Variants in NEK6 observed in about 807,000 individuals in gnomAD.
The protein encoded by NEK6 is NIMA related kinase 6, also known as serine/threonine-protein kinase Nek6.
In NEK6, 27 loss-of-function variants were observed where a neutral mutation model predicts 43.5. That is an observed-to-expected ratio of 0.62 (90% CI 0.46 to 0.86). NEK6 has a LOEUF of 0.86. Among genes scored for constraint, NEK6 ranks in the 40% least tolerant of loss-of-function variants. The pLI, the probability that NEK6 is intolerant of heterozygous loss-of-function variation, is 0.00. For missense variants in NEK6, 318 were observed against 414.4 expected, an observed-to-expected ratio of 0.77 and a Z score of 2.02; for synonymous variants, 167 against 164.1, an observed-to-expected ratio of 1.02 and a Z score of -0.14.
In NEK6 at chr9:124,312,520, C is replaced by T. The variant is rs1256928848; in HGVS notation, c.102C>T (p.Asn34=). 6.2e-7 allele frequency: 1 copy of T among 1,613,864 alleles called. No individual in the cohort carries two copies. The highest frequency in any genetic ancestry group is 8.5e-7 in the Non-Finnish European group (1 of 1,179,868). ...GTCCCCCGTTCCAGAGGCATCCCAA[C>T]ACGCTGTCTTTTCGCTGCTCGCTGG... ...VHPPDPQRHP[N]TLSFRCSLAD... is the part of the protein sequence containing the mutation. Residue 34 remains asparagine, a synonymous_variant, in exon 3 of 10, where the codon AAC becomes AAT. Transcript: ENST00000320246.
At chr9:124,347,530 G>A (rs563220298) in intron 8 of NEK6, among the ~76,000 whole-genome samples, 179 bp from the exon 9 acceptor site, 4 of 152,294 alleles carry the variant, frequency 2.6e-5, no homozygotes, top group East Asian at 3.9e-4. Flanking sequence ...GTAGTGTTGC[G>A]CCTGCTCCTC....
chr9:124,259,310 G>T (rs564352811), intron 1 of NEK6: 1 of 152,238 alleles, frequency 6.6e-6, no homozygotes, highest in East Asian at 1.9e-4. Flanking sequence ...CCTTAGTTTG[G>T]TGTACAGTAC....
intron 7 of NEK6, among the ~76,000 whole-genome samples, chr9:124,334,937 CAG>C (rs1829211360): frequency 6.6e-6 from 1 of 152,170 alleles, no homozygotes; most frequent in South Asian, 2.1e-4. Flanking sequence ...AGAGGAGACT[CAG>C]GGTGGGAAGA....
chr9:124,350,428 G>A (rs1412219409), intron 9 of NEK6, among the ~76,000 whole-genome samples: 1 of 152,130 alleles, frequency 6.6e-6, no homozygotes, highest in African/African-American at 2.4e-5. Context: ...GCATGTTAAT[G>A]CGTTTATTAT....
chr9:124,272,983 A>T (rs1261019725), intron 1 of NEK6, among the ~76,000 whole-genome samples: 3 of 151,994 alleles, frequency 2.0e-5, no homozygotes, highest in African/African-American at 7.3e-5. Context: ...AAAGCAGTAG[A>T]CTCTCAGCGG....
At chr9:124,289,177 CCCCCCCCCGCCACACACACACACACA>C (rs1207475826) in intron 1 of NEK6, among the ~76,000 whole-genome samples, 7 of 39,932 alleles carry the variant, frequency 1.8e-4, no homozygotes, top group South Asian at 1.7e-3. Context: ...ACCCCCCCCG[CCCCCCCCCGCCACACACACACACACA>C]CACACACACA....
At chr9:124,297,534 C>T (rs968896563) in intron 1 of NEK6, among the ~76,000 whole-genome samples, 5 of 152,216 alleles carry the variant, frequency 3.3e-5, no homozygotes, top group Admixed American at 2.6e-4. Flanking sequence ...ACACAGCACA[C>T]GGCAGCCTAA....
intron 1 of NEK6, among the ~76,000 whole-genome samples, chr9:124,282,618 G>A (rs1486629762): frequency 6.6e-6 from 1 of 152,184 alleles, no homozygotes; most frequent in African/African-American, 2.4e-5. Context: ...CCAGGCTGGG[G>A]CCACAGGGGG....
chr9:124,308,779 T>A (rs1367901960), intron 2 of NEK6, among the ~76,000 whole-genome samples: 1 of 152,176 alleles, frequency 6.6e-6, no homozygotes, highest in East Asian at 1.9e-4. Flanking sequence ...CACGCCCGTC[T>A]TGCAGTTTAG....
chr9:124,313,626 G>A (rs538253143), intron 3 of NEK6, among the ~76,000 whole-genome samples: 4 of 152,230 alleles, frequency 2.6e-5, no homozygotes, highest in African/African-American at 9.6e-5. Flanking sequence ...CCTCAGCCTC[G>A]CTGGGATTAC....
intron 1 of NEK6, chr9:124,292,851 G>A: frequency 2.1e-6 from 3 of 1,446,462 alleles, no homozygotes; most frequent in Non-Finnish European, 1.8e-6. Flanking sequence ...TGTTCAAGGA[G>A]AAGAAGACAC....
chr9:124,318,920 C>T (rs1006800540), intron 4 of NEK6, among the ~76,000 whole-genome samples: 2 of 151,906 alleles, frequency 1.3e-5, no homozygotes, highest in African/African-American at 2.4e-5. Context: ...ATCCACCCAC[C>T]TTGGCCTCCC....
intron 1 of NEK6, among the ~76,000 whole-genome samples, chr9:124,268,140 A>G (rs1831296094): frequency 6.6e-6 from 1 of 152,190 alleles, no homozygotes; most frequent in African/African-American, 2.4e-5. Context: ...AGCAATTGAG[A>G]TATTTAATGA....
At chr9:124,314,800 C>T (rs532587603) in intron 4 of NEK6, among the ~76,000 whole-genome samples, 24 of 152,142 alleles carry the variant, frequency 1.6e-4, no homozygotes, top group Non-Finnish European at 1.8e-4. Flanking sequence ...CCTGGGATTA[C>T]AGGCACCCAC....
At chr9:124,329,345 G>A (rs573901783) in intron 7 of NEK6, among the ~76,000 whole-genome samples, 1 of 152,346 alleles carries the variant, frequency 6.6e-6, no homozygotes, top group South Asian at 2.1e-4. Context: ...GCCTTTCTCT[G>A]TCCCACTGCA....
intron 1 of NEK6, among the ~76,000 whole-genome samples, chr9:124,271,876 G>A (rs555139446): frequency 6.6e-6 from 1 of 152,388 alleles, no homozygotes; most frequent in African/African-American, 2.4e-5. Flanking sequence ...TGCAAGGCCT[G>A]GCCAGCTCTG....
chr9:124,351,226 C>T lies in NEK6; in HGVS notation c.*279C>T, dbSNP rs1830258892. 1 of 343,478 alleles carries T rather than the reference C, an allele frequency of 2.9e-6. No individual in the cohort carries two copies. Among genetic ancestry groups the T allele is most frequent in the Admixed American group, 4.5e-5 (1 of 22,160 alleles). 21.3% of individuals were successfully genotyped at this position (343,478 alleles called of 1,614,324 possible). A position where few individuals can be genotyped will look rare whatever the true frequency, so the allele number is the denominator to read the frequency against. Reference sequence around the variant, plus strand: ...TAAGGGCAGGTGGTTCAGCGAGCCACGGCAGCCCCCTGTATCTGGATTGTA... The same window carrying T: ...TAAGGGCAGGTGGTTCAGCGAGCCATGGCAGCCCCCTGTATCTGGATTGTA... On this transcript the variant is annotated 3_prime_UTR_variant, in exon 10 of 10. Coordinates refer to ENST00000320246, the MANE Select transcript of NEK6 (RefSeq NM_014397.6).
At chr9:124,257,844 C>A (rs1255533342), upstream of NEK6, 1 of 1,082,850 alleles carries the variant, frequency 9.2e-7, no homozygotes, top group African/African-American at 1.7e-5. Context: ...CGCCGGGGCG[C>A]CCCCCGCCCC....
chr9:124,341,082 G>A (rs538366140), intron 8 of NEK6, among the ~76,000 whole-genome samples: 169 of 152,174 alleles, frequency 1.1e-3, no homozygotes, highest in Admixed American at 2.0e-3. Context: ...CACTCTTGTC[G>A]CCCGGGCTGG....
Sources: gnomAD v4.1 joint callset for allele counts (sites outside exome capture counted in the v4.1 genomes callset) on GRCh38, gnomAD v4.1.1 for gene constraint, MANE v1.5 for transcripts, NCBI Gene and HGNC (gene_info 2026-07-23, HGNC 2026-07-21) for gene names.